POLR1A: variants seen among roughly 807,000 people sequenced by gnomAD.
The protein encoded by POLR1A is RNA polymerase I subunit A, also known as DNA-directed RNA polymerase I subunit RPA1.
In POLR1A, 84 loss-of-function variants were observed where a neutral mutation model predicts 205.3. That is an observed-to-expected ratio of 0.41 (90% confidence interval 0.34 to 0.49). The LOEUF (loss-of-function observed/expected upper bound fraction) is 0.49. Among genes scored for constraint, POLR1A ranks in the 20% least tolerant of loss-of-function variants. POLR1A has a pLI of 0.22. For synonymous variants in POLR1A, 799 were observed against 863.7 expected, an observed-to-expected ratio of 0.93 and a Z score of 1.31; for missense variants, 1,645 against 2,204.5, an observed-to-expected ratio of 0.75 and a Z score of 5.08.
intron 3 of POLR1A, among the ~76,000 whole-genome samples, chr2:86,093,051 A>G (rs1673636619): frequency 6.6e-6 from 1 of 152,260 alleles, no homozygotes; most frequent in African/African-American, 2.4e-5. Flanking sequence ...TTAATTTAAC[A>G]TTAGGAAAGG....
chr2:86,081,641 T>C lies in POLR1A; in HGVS notation c.883A>G (p.Ser295Gly). ...DDGMESRFNP[S>G]VFFLDFLVVP... is the part of the protein sequence containing the mutation. ...ACCAAGAAATCTAGAAAGAACACAC[T>C]GGGATTGAATCTGGATTCCATACCA... Residue 295 changes from serine to glycine, a missense_variant, in exon 8 of 34, where the codon AGT becomes GGT. Ser to Gly is a moderately conservative substitution (Grantham distance 56, BLOSUM62 0). Around this residue, in one of 16 missense-constraint regions of POLR1A, gnomAD observed 330 missense variants for 375.6 expected, o/e 0.88. Transcript: ENST00000263857. 1.9e-6 allele frequency: 3 copies of C among 1,611,926 alleles called. No individual in the cohort carries two copies. Among genetic ancestry groups the C allele is most frequent in the East Asian group, 2.2e-5 (1 of 44,786 alleles).
In POLR1A at chr2:86,089,774, A is replaced by AT. The variant is rs758594270; in HGVS notation, c.540+47dup. On this transcript the variant is annotated intron_variant, in intron 4 of 33. Transcript: ENST00000263857. ...CAAAGGACAACACAGAGGGAAAGTG[A>AT]TAAAATGATGCCCAAAACAGCATGG... is the stretch of plus-strand genomic sequence containing the variant. 4.3e-6 allele frequency: 5 copies of AT among 1,158,502 alleles called. No individual in the cohort carries two copies. The African/African-American group carries it at 6.0e-5, about 14-fold the overall frequency. The allele number at this position is 1,158,502 out of a possible 1,614,324, so 71.8% of individuals were successfully genotyped here. A position where few individuals can be genotyped will look rare whatever the true frequency, so the allele number is the denominator to read the frequency against.
At position 86,025,237 on chromosome 2, in the gene POLR1A, T is replaced by C. The variant is rs1370926045; in HGVS notation, c.*2186A>G. 6.6e-6 allele frequency: 1 copy of C among 152,208 alleles called. No individual in the cohort carries two copies. 9.4% of individuals were successfully genotyped at this position (152,208 alleles called of 1,614,324 possible). ...AAAAATGACAACGCAGATTAGTCCA[T>C]GTTCTTGAATCCATCCATCAGATTT... On this transcript the variant is annotated 3_prime_UTR_variant, in exon 34 of 34. Coordinates refer to ENST00000263857, the MANE Select transcript of POLR1A (RefSeq NM_015425.6).
intron 3 of POLR1A, among the ~76,000 whole-genome samples, chr2:86,094,229 G>A (rs145119261): frequency 1.3e-5 from 2 of 152,252 alleles, no homozygotes; most frequent in East Asian, 3.9e-4. Flanking sequence ...TTGAAAGTGC[G>A]TTAGTAGCCT....
Position 86,065,259 on chromosome 2 carries a change from T to C in POLR1A, c.2058+15A>G. On this transcript the variant is annotated intron_variant, in intron 14 of 33. Coordinates refer to ENST00000263857, the MANE Select transcript of POLR1A (RefSeq NM_015425.6). Reference sequence around the variant, plus strand: ...TTCCTTTTGTTACATACACTGGCTGTTCTCTCCCAATTACCTGTTTTCCTG... The same window carrying C: ...TTCCTTTTGTTACATACACTGGCTGCTCTCTCCCAATTACCTGTTTTCCTG... 1 of 1,610,142 alleles carries C rather than the reference T, an allele frequency of 6.2e-7. No homozygotes were observed. The highest frequency in any genetic ancestry group is 8.5e-7 in the Non-Finnish European group (1 of 1,177,846).
In POLR1A at chr2:86,031,531, G is replaced by T; in HGVS notation, c.4377C>A (p.Thr1459=). 6.2e-7 allele frequency: 1 copy of T among 1,614,164 alleles called. No homozygotes were observed. Among genetic ancestry groups the T allele is most frequent in the Non-Finnish European group, 8.5e-7 (1 of 1,180,018 alleles). Residue 1459 remains threonine (T), a synonymous_variant, in exon 30 of 34, where the codon ACC becomes ACA. Coordinates refer to ENST00000263857, the MANE Select transcript of POLR1A (RefSeq NM_015425.6). ...AGCCCACCTCTTCATCTTGCTCTTG[G>T]GTCTTTCGAGCACCTTCCCTGTGGG... ...RNPHREGARK[T]QEQDEEVGLG... is the part of the protein sequence containing the mutation.
intron 14 of POLR1A, among the ~76,000 whole-genome samples, chr2:86,056,963 T>C (rs1347674380): frequency 6.6e-6 from 1 of 152,224 alleles, no homozygotes; most frequent in Non-Finnish European, 1.5e-5. Flanking sequence ...TAACACAATA[T>C]CCATTCTGCA....
In POLR1A at chr2:86,044,166, C is replaced by T. The variant is rs1254644764; in HGVS notation, c.3108G>A (p.Gln1036=). The T allele has an allele frequency of 1.2e-6, 2 of 1,614,178 alleles. No individual in the cohort carries two copies. The highest frequency in any genetic ancestry group is 3.3e-5 in the Admixed American group (2 of 60,026). ...IPKTQFLQPK[Q]FPFLASNYEV... is the part of the protein sequence containing the mutation. ...CGTAGTTGCTGGCCAGGAAGGGGAA[C>T]TGCTTGGGCTGCAGGAACTGTGTCT... is the stretch of plus-strand genomic sequence containing the variant. Residue 1036 remains glutamine (Q), a synonymous_variant, in exon 22 of 34, where the codon CAG becomes CAA. Transcript: ENST00000263857.
intron 16 of POLR1A, among the ~76,000 whole-genome samples, chr2:86,051,431 T>C (rs1448378796): frequency 6.6e-6 from 1 of 152,126 alleles, no homozygotes; most frequent in Non-Finnish European, 1.5e-5. Flanking sequence ...AAATGTATAA[T>C]GCAGGCCCCA....
At position 86,105,834 on chromosome 2, in the gene POLR1A, T is replaced by G; in HGVS notation, c.-58A>C. 1 of 1,420,250 alleles carries G rather than the reference T, an allele frequency of 7.0e-7. No homozygotes were observed. Among genetic ancestry groups the G allele is most frequent in the Admixed American group, 1.7e-5 (1 of 57,408 alleles). 88.0% of individuals were successfully genotyped at this position (1,420,250 alleles called of 1,614,324 possible). On this transcript the variant is annotated 5_prime_UTR_variant, in exon 1 of 34. Transcript: ENST00000263857. ...AGAGACGTTCCACTCACCACCTGAC[T>G]ATTCTTAATTCAACCTCAAGCCCGG... is the stretch of plus-strand genomic sequence containing the variant.
At chr2:86,078,436 A>G (rs1673336682) in intron 9 of POLR1A, 152 bp from the exon 10 acceptor site, 2 of 593,042 alleles carry the variant, frequency 3.4e-6, no homozygotes, top group South Asian at 2.4e-5. Context: ...AAACATGCTA[A>G]TAAATCAATC....
At chr2:86,058,490 C>A (rs1203600013) in intron 14 of POLR1A, among the ~76,000 whole-genome samples, 1 of 147,006 alleles carries the variant, frequency 6.8e-6, no homozygotes, top group African/African-American at 2.5e-5. Flanking sequence ...AATCCTCCTA[C>A]CTCATAAAAT....
intron 28 of POLR1A, among the ~76,000 whole-genome samples, chr2:86,032,948 T>G (rs1334449155): frequency 6.6e-6 from 1 of 152,218 alleles, no homozygotes. Flanking sequence ...TTCCCTGGTG[T>G]AGGCCAGCCC....
chr2:86,052,821 G>A lies in POLR1A; in HGVS notation c.2388C>T (p.Thr796=), dbSNP rs1672827995. The A allele has an allele frequency of 1.9e-6, 3 of 1,540,018 alleles. No homozygotes were observed. The highest frequency in any genetic ancestry group is 2.6e-6 in the Non-Finnish European group (3 of 1,141,104). The part of the protein sequence containing the change: ...TAYLQLYRGF[T]LGVEDILVKP... ...GGCAGCGAGCCCGGCACTTACCCAAGGTGAAGCCTCTGTAGAGCTGCAGGT... is the reference window on the plus strand; with the variant it reads ...GGCAGCGAGCCCGGCACTTACCCAAAGTGAAGCCTCTGTAGAGCTGCAGGT... The change falls in exon 16 of 34, where the codon ACC becomes ACT. Residue 796 remains threonine (T), a synonymous_variant. Coordinates refer to ENST00000263857, the MANE Select transcript of POLR1A (RefSeq NM_015425.6).
intron 27 of POLR1A, among the ~76,000 whole-genome samples, chr2:86,034,095 C>T (rs1289383856): frequency 3.3e-5 from 5 of 152,360 alleles, no homozygotes; most frequent in Admixed American, 6.5e-5. Context: ...GGAATTACTA[C>T]GTATTCTGCA....
Position 86,022,426 on chromosome 2 carries a change from TG to T in POLR1A, c.*4996del, listed in dbSNP as rs1484377152. ...ACCTAGGGCCAGTGACTCCTTGAGA[TG>T]TCATCGTACCGATAGGTGGTGACGG... On this transcript the variant is annotated 3_prime_UTR_variant, in exon 34 of 34. Coordinates refer to ENST00000263857, the MANE Select transcript of POLR1A (RefSeq NM_015425.6). The T allele has an allele frequency of 2.0e-5, 3 of 152,380 alleles. 1 individual carries two copies. The highest frequency in any genetic ancestry group is 7.2e-5 in the African/African-American group (3 of 41,584). 9.4% of individuals were successfully genotyped at this position (152,380 alleles called of 1,614,324 possible). A position where few individuals can be genotyped will look rare whatever the true frequency, so the allele number is the denominator to read the frequency against.
At chr2:86,056,726 A>G (rs920837012) in intron 14 of POLR1A, among the ~76,000 whole-genome samples, 1 of 152,180 alleles carries the variant, frequency 6.6e-6, no homozygotes, top group East Asian at 1.9e-4. Context: ...TAGGGCCCTT[A>G]AGAATTATGC....
intron 3 of POLR1A, among the ~76,000 whole-genome samples, chr2:86,095,506 T>A (rs1428487395): frequency 6.6e-6 from 1 of 152,214 alleles, no homozygotes; most frequent in Non-Finnish European, 1.5e-5. Context: ...CATTTTTACA[T>A]ATCAACAAAC....
chr2:86,041,284 G>A (rs575014795), intron 24 of POLR1A, among the ~76,000 whole-genome samples: 2 of 147,686 alleles, frequency 1.4e-5, no homozygotes, highest in Non-Finnish European at 1.5e-5. Flanking sequence ...TACAGTGTCT[G>A]TGTGTGTGTG....
Sources: allele counts gnomAD v4.1 joint callset (sites outside exome capture counted in the v4.1 genomes callset), GRCh38; gene constraint gnomAD v4.1.1; regional missense constraint gnomAD v4.1.1; transcripts MANE v1.5; gene names NCBI Gene and HGNC (gene_info 2026-07-23, HGNC 2026-07-21).